The following ITPRID1 variants were observed in gnomAD, a reference collection of about 807,000 sequenced individuals.
The protein encoded by ITPRID1 is protein ITPRID1.
A neutral mutation model predicts 95.4 loss-of-function variants in ITPRID1; 96 were observed. The observed-to-expected ratio is 1.01, with a 90% confidence interval of 0.85 to 1.19. The LOEUF (loss-of-function observed/expected upper bound fraction) is 1.19, where lower values mean the gene tolerates loss of function less well. ITPRID1 is among the 50% of genes most tolerant of loss of function. The probability of loss-of-function intolerance (pLI) is 0.00; values close to 1 mark genes in which losing one functional copy is unlikely to be tolerated. For missense variants in ITPRID1, 1,339 were observed against 1,252.9 expected, an observed-to-expected ratio of 1.07 and a Z score of -1.04; for synonymous variants, 510 against 453.6, an observed-to-expected ratio of 1.12 and a Z score of -1.58.
chr7:31,589,128 AAAG>A (rs1173343690), intron 10 of ITPRID1, among the ~76,000 whole-genome samples: 1 of 152,020 alleles, frequency 6.6e-6, no homozygotes, highest in Non-Finnish European at 1.5e-5. Context: ...AATCTAAAAA[AAAG>A]AATTATAATA....
At chr7:31,555,503 C>T (rs1183465075) in intron 5 of ITPRID1, among the ~76,000 whole-genome samples, 1 of 151,328 alleles carries the variant, frequency 6.6e-6, no homozygotes, top group Non-Finnish European at 1.5e-5. Flanking sequence ...AATCTAAGAC[C>T]CTTCAATTAT....
intron 1 of ITPRID1, among the ~76,000 whole-genome samples, chr7:31,519,648 A>AC (rs1783179233): frequency 7.7e-6 from 1 of 130,208 alleles, no homozygotes; most frequent in Non-Finnish European, 1.7e-5. Context: ...ATATATATAA[A>AC]TCTTATGTTA....
chr7:31,554,583 A>T lies in ITPRID1; in HGVS notation c.212+60A>T. 5.0e-6 allele frequency: 8 copies of T among 1,601,084 alleles called. No individual in the cohort carries two copies. The East Asian group carries it at 6.7e-5, about 13-fold the overall frequency. Reference sequence around the variant, plus strand: ...TCTCTTGCAAAGATCCATGAAAACAATGTGTGTAACTCTGCCTGGGCAAGG... The same window carrying T: ...TCTCTTGCAAAGATCCATGAAAACATTGTGTGTAACTCTGCCTGGGCAAGG... On this transcript the variant is annotated intron_variant, in intron 4 of 14. Transcript: ENST00000615280.
chr7:31,598,902 A>G (rs1308224147), intron 10 of ITPRID1, among the ~76,000 whole-genome samples: 4 of 152,192 alleles, frequency 2.6e-5, no homozygotes, highest in Non-Finnish European at 4.4e-5. Flanking sequence ...AATTTTTAGT[A>G]TTTGATACTA....
Position 31,578,087 on chromosome 7 carries a change from G to C in ITPRID1, c.823G>C (p.Glu275Gln). 1 of 1,613,754 alleles carries C rather than the reference G, an allele frequency of 6.2e-7. No homozygotes were observed. Among genetic ancestry groups the C allele is most frequent in the African/African-American group, 1.3e-5 (1 of 75,046 alleles). ...IRRDCNPEVS[E>Q]SFKVKDEVFV... ...GCGGGATTGTAACCCAGAGGTATCA[G>C]AGTCCTTCAAGGTGAAGGATGAAGT... Residue 275 changes from glutamate to glutamine, a missense_variant, in exon 9 of 15, where the codon GAG (glutamate) becomes CAG (glutamine). By Grantham distance (29) the Glu-to-Gln change is conservative (BLOSUM62 2). Coordinates refer to ENST00000615280, the MANE Select transcript of ITPRID1 (RefSeq NM_001257967.3).
intron 12 of ITPRID1, among the ~76,000 whole-genome samples, chr7:31,646,971 CCTTT>C (rs1277896554): frequency 6.6e-6 from 1 of 152,172 alleles, no homozygotes; most frequent in Non-Finnish European, 1.5e-5. Context: ...AATGAATTTC[CCTTT>C]ATTAACATCC....
At position 31,550,650 on chromosome 7, in the gene ITPRID1, CAG is replaced by C. The variant is rs985676364; in HGVS notation, c.-24+1152_-24+1153del. 2.4e-4 allele frequency among the ~76,000 whole-genome samples: 36 copies of C among 151,304 alleles called. 1 individual carries two copies. The highest frequency in any genetic ancestry group is 6.5e-4 in the African/African-American group (27 of 41,498). On this transcript the variant is annotated intron_variant, in intron 2 of 14. Coordinates refer to ENST00000615280, the MANE Select transcript of ITPRID1 (RefSeq NM_001257967.3). The stretch of plus-strand genomic sequence containing the variant: ...CCAACTGGGAAGGCATCCACTAAAA[CAG>C]GGGGAACAAAAGAGGTTTTCTTTAT...
intron 10 of ITPRID1, among the ~76,000 whole-genome samples, chr7:31,626,121 C>T (rs1788446032): frequency 6.6e-6 from 1 of 152,066 alleles, no homozygotes; most frequent in South Asian, 2.1e-4. Flanking sequence ...ACATGTTTTA[C>T]CAAGAAAAAA....
intron 1 of ITPRID1, among the ~76,000 whole-genome samples, chr7:31,536,308 G>A (rs1425567018): frequency 6.6e-6 from 1 of 151,868 alleles, no homozygotes; most frequent in African/African-American, 2.4e-5. Context: ...TTCATGTCTT[G>A]CATTCTTTTT....
At chr7:31,601,394 C>A (rs191373641) in intron 10 of ITPRID1, among the ~76,000 whole-genome samples, 15 of 152,142 alleles carry the variant, frequency 9.9e-5, no homozygotes, top group African/African-American at 1.4e-4. Context: ...TGAGGTAGAA[C>A]GATTGTGTAA....
At chr7:31,601,973 G>C (rs1032899207) in intron 10 of ITPRID1, among the ~76,000 whole-genome samples, 4 of 151,874 alleles carry the variant, frequency 2.6e-5, no homozygotes, top group African/African-American at 9.7e-5. Flanking sequence ...GCTGCTCTGT[G>C]TCTTCTTTAT....
intron 9 of ITPRID1, among the ~76,000 whole-genome samples, chr7:31,579,938 G>C (rs1785334849): frequency 1.3e-5 from 2 of 152,210 alleles, no homozygotes; most frequent in South Asian, 2.1e-4. Flanking sequence ...CTAAAAAAAG[G>C]ATTTTTAAAA....
intron 8 of ITPRID1, 22 bp from the exon 9 acceptor site, chr7:31,577,841 T>C (rs754354255): frequency 4.6e-6 from 7 of 1,533,418 alleles, no homozygotes; most frequent in African/African-American, 1.4e-5. Flanking sequence ...TCTGAAACTT[T>C]CGTGTTTCTT....
chr7:31,540,879 C>T (rs912435087), intron 1 of ITPRID1, among the ~76,000 whole-genome samples: 1 of 152,110 alleles, frequency 6.6e-6, no homozygotes, highest in East Asian at 1.9e-4. Flanking sequence ...AATATAAGGC[C>T]GGTTTTCCAA....
At chr7:31,611,877 T>C (rs934423667) in intron 10 of ITPRID1, among the ~76,000 whole-genome samples, 3 of 152,018 alleles carry the variant, frequency 2.0e-5, no homozygotes, top group African/African-American at 7.2e-5. Flanking sequence ...TTTTTGGTTC[T>C]GTACATTGTT....
Position 31,519,612 on chromosome 7 carries a change from CTCTCTCTCTATATATATATA to C in ITPRID1, c.-98+5494_-98+5513del, listed in dbSNP as rs1323828297. ...TCTCTCTCTCTCTCTCTCTCTCTCT[CTCTCTCTCTATATATATATA>C]TATATATATATATAAATCTTATGTT... On this transcript the variant is annotated intron_variant, in intron 1 of 14. Transcript: ENST00000615280. Among the ~76,000 whole-genome samples the C allele has an allele frequency of 6.2e-4, 29 of 46,872 alleles. 1 individual carries two copies. The highest frequency in any genetic ancestry group is 2.6e-3 in the East Asian group (2 of 780). The allele number at this position is 46,872 out of a possible 152,430, so 30.7% of individuals were successfully genotyped here.
At chr7:31,624,808 A>T (rs1304255197) in intron 10 of ITPRID1, among the ~76,000 whole-genome samples, 95 of 152,164 alleles carry the variant, frequency 6.2e-4, no homozygotes, top group Non-Finnish European at 1.3e-3. Flanking sequence ...TGCACAGCAA[A>T]AGAAACTACC....
rs771208649 is a variant in ITPRID1 at position 31,642,874 on chromosome 7, A to C, written c.1504A>C (p.Met502Leu). The C allele has an allele frequency of 8.3e-5, 134 of 1,613,902 alleles. No homozygotes were observed. The highest frequency in any genetic ancestry group is 1.1e-4 in the Non-Finnish European group (132 of 1,179,908). Residue 502 changes from methionine to leucine, a missense_variant, in exon 12 of 15, where the codon ATG (methionine) becomes CTG (leucine). Physicochemically the swap from Met to Leu is conservative, Grantham distance 15. Transcript: ENST00000615280. The part of the protein sequence containing the change: ...ALEQRASVSV[M>L]EEEFLLEAME... ...GGAACAAAGGGCCTCAGTATCTGTG[A>C]TGGAGGAAGAGTTTCTGCTTGAGGC...
intron 10 of ITPRID1, among the ~76,000 whole-genome samples, chr7:31,629,029 C>T (rs996886260): frequency 6.6e-6 from 1 of 152,048 alleles, no homozygotes; most frequent in African/African-American, 2.4e-5. Context: ...AAAAAATTGG[C>T]GTTACAAAAT....
Sources: allele counts gnomAD v4.1 joint callset (sites outside exome capture counted in the v4.1 genomes callset), GRCh38; gene constraint gnomAD v4.1.1; transcripts MANE v1.5; gene names NCBI Gene and HGNC (gene_info 2026-07-23, HGNC 2026-07-21).